KCNMA1: variants seen among roughly 807,000 people sequenced by gnomAD.
KCNMA1 encodes the protein Calcium-activated potassium channel subunit alpha-1.
In KCNMA1, 29 loss-of-function variants were observed where a neutral mutation model predicts 140.0. The ratio of observed to expected loss-of-function variants is 0.21; its 90% CI spans 0.15 to 0.28. The LOEUF is 0.28. KCNMA1 is among the 10% of genes least tolerant of loss of function. The probability of loss-of-function intolerance (pLI) is 1.00; values close to 1 mark genes in which losing one functional copy is unlikely to be tolerated. For synonymous variants in KCNMA1, 612 were observed against 611.9 expected (o/e 1.00, Z 0.00); for missense variants, 880 against 1,602.2 (o/e 0.55, Z 7.70).
chr10:77,364,267 A>T (rs1274661231), intron 2 of KCNMA1, among the ~76,000 whole-genome samples: 2 of 152,134 alleles, frequency 1.3e-5, no homozygotes, highest in East Asian at 3.9e-4. Flanking sequence ...CCTGGCCAAC[A>T]TAGCAAAACC....
rs569427394 is a variant in KCNMA1, at chr10:77,510,940, A to C, written c.379-106917T>G. On this transcript the variant is annotated intron_variant, in intron 1 of 27. Transcript: ENST00000286628. ...GAAATAACATATCTCCAACACATGGAGATAACGCCGATTAACAACACATGG... is the reference window on the plus strand; with the variant it reads ...GAAATAACATATCTCCAACACATGGCGATAACGCCGATTAACAACACATGG... Among the ~76,000 whole-genome samples, 24 of 152,374 alleles carry C rather than the reference A, an allele frequency of 1.6e-4. No homozygotes were observed. The South Asian group carries it at 3.1e-3, about 20-fold the overall frequency.
intron 2 of KCNMA1, among the ~76,000 whole-genome samples, chr10:77,340,930 C>T (rs1439042910): frequency 1.3e-5 from 2 of 151,544 alleles, no homozygotes; most frequent in Non-Finnish European, 2.9e-5. Context: ...TCCCTGGAGT[C>T]TCTTTATAAA....
chr10:76,958,984 G>T (rs1029304728), intron 20 of KCNMA1, among the ~76,000 whole-genome samples: 6 of 152,032 alleles, frequency 3.9e-5, no homozygotes, highest in Non-Finnish European at 7.4e-5. Context: ...TCCATTTAAG[G>T]GGGGGAAAAA....
chr10:77,541,004 C>CAAA (rs11433642), intron 1 of KCNMA1, among the ~76,000 whole-genome samples: 3 of 145,854 alleles, frequency 2.1e-5, no homozygotes, highest in South Asian at 2.2e-4. Flanking sequence ...GACTTCCTCT[C>CAAA]AAAAAAAAAA....
At chr10:77,306,412 G>A (rs956088095) in intron 2 of KCNMA1, among the ~76,000 whole-genome samples, 1 of 152,198 alleles carries the variant, frequency 6.6e-6, no homozygotes, top group Admixed American at 6.5e-5. Context: ...AGCAAAAGGT[G>A]GGGAAAGGGA....
intron 5 of KCNMA1, among the ~76,000 whole-genome samples, chr10:77,150,739 T>G (rs1363637409): frequency 6.6e-6 from 1 of 152,224 alleles, no homozygotes; most frequent in Non-Finnish European, 1.5e-5. Flanking sequence ...TCAGAACCGC[T>G]GAGAGAGATA....
Position 77,506,722 on chromosome 10 carries a change from G to C in KCNMA1, c.379-102699C>G, listed in dbSNP as rs545186172. Among the ~76,000 whole-genome samples, 3 of 149,406 alleles carry C rather than the reference G, an allele frequency of 2.0e-5. No individual in the cohort carries two copies. In the South Asian group the frequency reaches 6.5e-4, roughly 32 times the overall value. ...AGAGATGTTCCGAGAGAGAGAGAGA[G>C]AGAGTGTGTGTGTGTGTGTTTGTTA... On this transcript the variant is annotated intron_variant, in intron 1 of 27. Coordinates refer to ENST00000286628, the MANE Select transcript of KCNMA1 (RefSeq NM_001161352.2).
At chr10:77,573,257 T>C (rs2072389537) in intron 1 of KCNMA1, among the ~76,000 whole-genome samples, 1 of 152,156 alleles carries the variant, frequency 6.6e-6, no homozygotes, top group Non-Finnish European at 1.5e-5. Flanking sequence ...AAACAGTTGA[T>C]GGCCAGAGAG....
rs61564819 is a variant in KCNMA1, at chr10:77,619,314, GTCTC to G, written c.378+17947_378+17950del. On this transcript the variant is annotated intron_variant, in intron 1 of 27. Transcript: ENST00000286628. ...CCCAGTAGTGTCTCTCTGTCTGTCT[GTCTC>G]TCTCTCTCTCTCTCTCTCTCTCTCT... 8.1e-3 allele frequency among the ~76,000 whole-genome samples: 739 copies of G among 91,130 alleles called. 4 individuals carry two copies. Among genetic ancestry groups the G allele is most frequent in the African/African-American group, 0.033 (490 of 15,012 alleles). The allele number at this position is 91,130 out of a possible 152,430, so 59.8% of individuals were successfully genotyped here.
At chr10:77,164,503 C>T (rs2098610407) in intron 5 of KCNMA1, among the ~76,000 whole-genome samples, 1 of 151,214 alleles carries the variant, frequency 6.6e-6, no homozygotes, top group African/African-American at 2.4e-5. Flanking sequence ...CCCCACCCTC[C>T]TACATGCCAT....
chr10:77,613,653 T>C (rs1264738313), intron 1 of KCNMA1, among the ~76,000 whole-genome samples: 1 of 152,172 alleles, frequency 6.6e-6, no homozygotes, highest in African/African-American at 2.4e-5. Context: ...AAAACTATAA[T>C]CACTCTGTTC....
intron 16 of KCNMA1, among the ~76,000 whole-genome samples, chr10:77,026,011 A>G: frequency 6.7e-6 from 1 of 148,872 alleles, no homozygotes; most frequent in East Asian, 2.0e-4. Flanking sequence ...ATATATATAT[A>G]TATATATACT....
chr10:77,466,167 T>A (rs2098006211), intron 1 of KCNMA1, among the ~76,000 whole-genome samples: 1 of 152,138 alleles, frequency 6.6e-6, no homozygotes, highest in African/African-American at 2.4e-5. Flanking sequence ...CACTCCTCGA[T>A]CCTCAGTGCC....
chr10:77,078,910 C>T (rs2096481315), intron 13 of KCNMA1, among the ~76,000 whole-genome samples: 1 of 152,196 alleles, frequency 6.6e-6, no homozygotes, highest in Non-Finnish European at 1.5e-5. Context: ...AGACACTTCC[C>T]GAATGAATGA....
In KCNMA1 at chr10:77,302,678, C is replaced by T. The variant is rs113032656; in HGVS notation, c.541-51422G>A. 8.3e-3 allele frequency among the ~76,000 whole-genome samples: 1,257 copies of T among 152,256 alleles called. 15 individuals carry two copies. The highest frequency in any genetic ancestry group is 0.029 in the African/African-American group (1,186 of 41,542). On this transcript the variant is annotated intron_variant, in intron 2 of 27. Transcript: ENST00000286628. Reference sequence around the variant, plus strand: ...GTGAGAATTGTCTACCACCCAAAGTCAGGTAGTCTCTGTGTCCCAGTGTGG... The same window carrying T: ...GTGAGAATTGTCTACCACCCAAAGTTAGGTAGTCTCTGTGTCCCAGTGTGG...
chr10:77,448,903 A>G (rs537397456), intron 1 of KCNMA1, among the ~76,000 whole-genome samples: 59 of 152,212 alleles, frequency 3.9e-4, no homozygotes, highest in African/African-American at 1.4e-3. Context: ...CCAGACTAAC[A>G]TGGTGAAACC....
intron 23 of KCNMA1, among the ~76,000 whole-genome samples, chr10:76,916,777 C>T (rs113275897): frequency 0.019 from 2,899 of 152,238 alleles, 35 homozygotes; most frequent in Non-Finnish European, 0.028. Flanking sequence ...GAATGAAATA[C>T]GGGAGCTCAA....
At chr10:76,962,442 C>T (rs1005449789) in intron 20 of KCNMA1, among the ~76,000 whole-genome samples, 5 of 152,096 alleles carry the variant, frequency 3.3e-5, no homozygotes, top group Admixed American at 6.5e-5. Flanking sequence ...AGATGAGAGG[C>T]TTGATTAAAA....
At chr10:77,281,533 G>C (rs543201358) in intron 2 of KCNMA1, among the ~76,000 whole-genome samples, 78 of 152,324 alleles carry the variant, frequency 5.1e-4, no homozygotes, top group African/African-American at 1.8e-3. Context: ...CAGGGCATGA[G>C]AGAAACTGAG....
Sources: allele counts gnomAD v4.1 joint callset (sites outside exome capture counted in the v4.1 genomes callset), GRCh38; gene constraint gnomAD v4.1.1; transcripts MANE v1.5; gene names NCBI Gene and HGNC (gene_info 2026-07-23, HGNC 2026-07-21).